FBLN1: variants seen among roughly 807,000 people sequenced by gnomAD.
FBLN1 encodes fibulin-1.
A neutral mutation model predicts 89.7 loss-of-function variants in FBLN1; 34 were observed. The observed-to-expected ratio is 0.38, with a 90% CI of 0.29 to 0.50. The LOEUF (loss-of-function observed/expected upper bound fraction) is 0.50, where lower values mean the gene tolerates loss of function less well. Ranked by LOEUF, FBLN1 falls within the 20% of genes least tolerant of loss-of-function variation. The pLI is 0.92. For missense variants in FBLN1, 777 were observed against 988.1 expected (o/e 0.79, Z 2.86); for synonymous variants, 393 against 391.3 (o/e 1.00, Z -0.05).
Position 45,577,181 on chromosome 22 carries a change from C to G in FBLN1, c.1972+73C>G, listed in dbSNP as rs571097274. ...ACCCCGAAACCCTCTCTGGCCCAGCCCAACTCCCATCTGAGTCCCCTCCCC... is the reference window on the plus strand; with the variant it reads ...ACCCCGAAACCCTCTCTGGCCCAGCGCAACTCCCATCTGAGTCCCCTCCCC... On this transcript the variant is annotated intron_variant, in intron 16 of 16. Transcript: ENST00000327858. This position sits in a 1 kb window ranked among gnomAD's most constrained non-coding sequence, Gnocchi z 6.6. The G allele has an allele frequency of 1.3e-6, 2 of 1,556,504 alleles. No individual in the cohort carries two copies. Among genetic ancestry groups the G allele is most frequent in the South Asian group, 2.2e-5 (2 of 89,202 alleles).
In FBLN1 at chr22:45,532,267, G is replaced by A. The variant is rs136739; in HGVS notation, c.545-796G>A. Among the ~76,000 whole-genome samples, 125,337 of 151,984 alleles carry A rather than the reference G, an allele frequency of 0.82. 52,670 individuals are homozygous for A. Among genetic ancestry groups the A allele is most frequent in the East Asian group, 0.96 (4,932 of 5,144 alleles). On this transcript the variant is annotated intron_variant, in intron 5 of 16. Transcript: ENST00000327858. The surrounding 1 kb of genome is among the most constrained non-coding windows in gnomAD (Gnocchi z 4.2). ...AGGGCTATGGGAGGAGCTTTCTGGG[G>A]AGGGGAGAGCTGGTCTGCAAGGAGG...
chr22:45,517,586 A>C, intron 1 of FBLN1: 1 of 471,086 alleles, frequency 2.1e-6, no homozygotes, highest in South Asian at 1.5e-5. Flanking sequence ...TGCGAGTGGG[A>C]GATAAGATGG....
chr22:45,510,145 C>T (rs2088079671), intron 1 of FBLN1, among the ~76,000 whole-genome samples: 1 of 152,114 alleles, frequency 6.6e-6, no homozygotes, highest in African/African-American at 2.4e-5. Context: ...AAAACAGACA[C>T]CCATTCAACC....
chr22:45,556,812 G>A lies in FBLN1; in HGVS notation c.1697+6197G>A, dbSNP rs1485446004. 1.3e-5 allele frequency among the ~76,000 whole-genome samples: 2 copies of A among 152,036 alleles called. No individual in the cohort carries two copies. The highest frequency in any genetic ancestry group is 4.8e-5 in the African/African-American group (2 of 41,382). ...CCTGGTGGCGGCGTTCCTCCCTCTG[G>A]AACTAAGACCTCTAGGCCAGCAGAA... On this transcript the variant is annotated intron_variant, in intron 14 of 16. Coordinates refer to ENST00000327858, the MANE Select transcript of FBLN1 (RefSeq NM_006486.3). The surrounding 1 kb of genome is among the most constrained non-coding windows in gnomAD (Gnocchi z 4.6).
In FBLN1 at chr22:45,577,028, ACAT is replaced by A. The variant is rs762642274; in HGVS notation, c.1897_1899del (p.Ile633del). Reference sequence around the variant, plus strand: ...CCACCGCATCCTGCCAGCCAGGCTAACATCATCTTCGACATCACGGAAGGGAAC... The same window carrying A: ...CCACCGCATCCTGCCAGCCAGGCTAACATCTTCGACATCACGGAAGGGAAC... On this transcript the variant is annotated inframe_deletion, in exon 16 of 17. Coordinates refer to ENST00000327858, the MANE Select transcript of FBLN1 (RefSeq NM_006486.3). This position sits in a 1 kb window ranked among gnomAD's most constrained non-coding sequence, Gnocchi z 6.6. 1 of 1,614,206 alleles carries A rather than the reference ACAT, an allele frequency of 6.2e-7. No individual in the cohort carries two copies. The highest frequency in any genetic ancestry group is 8.5e-7 in the Non-Finnish European group (1 of 1,180,036).
At position 45,549,852 on chromosome 22, in the gene FBLN1, C is replaced by G. The variant is rs564577225; in HGVS notation, c.1574-640C>G. 2.2e-4 allele frequency among the ~76,000 whole-genome samples: 34 copies of G among 152,202 alleles called. No homozygotes were observed. Among genetic ancestry groups the G allele is most frequent in the Non-Finnish European group, 4.3e-4 (29 of 68,032 alleles). On this transcript the variant is annotated intron_variant, in intron 13 of 16. Coordinates refer to ENST00000327858, the MANE Select transcript of FBLN1 (RefSeq NM_006486.3). The surrounding 1 kb of genome is among the most constrained non-coding windows in gnomAD (Gnocchi z 5.7). The stretch of plus-strand genomic sequence containing the variant: ...CAGGCCCCATCCCAGGAGTCCCAGA[C>G]CTGGTGGTTCCAGTCCACCCTGAAC...
Position 45,569,860 on chromosome 22 carries a change from A to C in FBLN1, c.1698-4651A>C, listed in dbSNP as rs759618367. On this transcript the variant is annotated intron_variant, in intron 14 of 16. Transcript: ENST00000327858. Reference sequence around the variant, plus strand: ...TCCATTTCTCTTGGTTAGGCCACCCAGTCTGTTGTATAGCAAACAAATGCA... The same window carrying C: ...TCCATTTCTCTTGGTTAGGCCACCCCGTCTGTTGTATAGCAAACAAATGCA... Among the ~76,000 whole-genome samples, 5 of 152,326 alleles carry C rather than the reference A, an allele frequency of 3.3e-5. No individual in the cohort carries two copies. In the South Asian group the frequency reaches 1.0e-3, roughly 32 times the overall value.
At chr22:45,555,525 T>G (rs1178101933) in intron 14 of FBLN1, among the ~76,000 whole-genome samples, 5 of 152,146 alleles carry the variant, frequency 3.3e-5, no homozygotes, top group Admixed American at 1.3e-4. Context: ...TTTTTCTGCC[T>G]GCTTATGCTG....
At position 45,575,525 on chromosome 22, in the gene FBLN1, G is replaced by T. The variant is rs1195276889; in HGVS notation, c.1840+872G>T. On this transcript the variant is annotated intron_variant, in intron 15 of 16. Coordinates refer to ENST00000327858, the MANE Select transcript of FBLN1 (RefSeq NM_006486.3). The surrounding 1 kb of genome is among the most constrained non-coding windows in gnomAD (Gnocchi z 6.3). ...CCAGGCTTTGGGGGAACCATCGGAA[G>T]GTTGCAGTGGAGGAGGTTTGCATAT... 1.3e-5 allele frequency among the ~76,000 whole-genome samples: 2 copies of T among 152,184 alleles called. No homozygotes were observed. Among genetic ancestry groups the T allele is most frequent in the Non-Finnish European group, 2.9e-5 (2 of 68,024 alleles).
chr22:45,551,185 G>A (rs376512236), intron 14 of FBLN1: 15 of 176,970 alleles, frequency 8.5e-5, no homozygotes, highest in East Asian at 7.2e-4. Context: ...AGGCCATCAC[G>A]GCGCCCACTT....
intron 1 of FBLN1, among the ~76,000 whole-genome samples, chr22:45,507,847 C>T (rs1219785329): frequency 6.6e-6 from 1 of 152,100 alleles, no homozygotes; most frequent in Non-Finnish European, 1.5e-5. Flanking sequence ...ATTTTGGATC[C>T]TGTTACCCAC....
intron 1 of FBLN1, among the ~76,000 whole-genome samples, chr22:45,506,750 T>A (rs2088026575): frequency 1.3e-5 from 2 of 152,116 alleles, no homozygotes; most frequent in Non-Finnish European, 2.9e-5. Flanking sequence ...TCCTCACCAC[T>A]GGGGGAGACT....
rs536508399 is a variant in FBLN1 at position 45,508,680 on chromosome 22, G to A, written c.79+5616G>A. ...CTTTACAGTCAGAGCTGGATCTGAA[G>A]CCTGCCTCTGCAGAGGCTGCATGGC... On this transcript the variant is annotated intron_variant, in intron 1 of 16. Coordinates refer to ENST00000327858, the MANE Select transcript of FBLN1 (RefSeq NM_006486.3). Among the ~76,000 whole-genome samples the A allele has an allele frequency of 1.8e-4, 27 of 152,300 alleles. No individual in the cohort carries two copies. In the South Asian group the frequency reaches 5.6e-3, roughly 32 times the overall value.
Position 45,600,402 on chromosome 22 carries a change from A to G in FBLN1, c.2068A>G (p.Asn690Asp). The G allele has an allele frequency of 6.2e-7, 1 of 1,614,104 alleles. No homozygotes were observed. Among genetic ancestry groups the G allele is most frequent in the South Asian group, 1.1e-5 (1 of 91,074 alleles). Residue 690 changes from asparagine (N) to aspartate (D), a missense_variant, in exon 17 of 17, where the codon AAT becomes GAT. By Grantham distance (23) the Asn-to-Asp change is conservative. Transcript: ENST00000327858. ...GGTCGGGGGCGTGGTCTCCCACCGA[A>G]ATGTTGTCAACGTCCACATCTTCGT... The part of the protein sequence containing the change: ...YVVGGVVSHR[N>D]VVNVHIFVSE...
intron 14 of FBLN1, among the ~76,000 whole-genome samples, chr22:45,566,465 G>A (rs954403691): frequency 7.2e-5 from 11 of 152,136 alleles, no homozygotes; most frequent in East Asian, 1.9e-4. Context: ...CCATGTTCTC[G>A]GCTCATGCTG....
chr22:45,592,475 C>A (rs1207568620), intron 16 of FBLN1, among the ~76,000 whole-genome samples: 1 of 152,242 alleles, frequency 6.6e-6, no homozygotes, highest in East Asian at 1.9e-4. Flanking sequence ...TTATAGGCGC[C>A]TGCCACCATG....
At chr22:45,510,288 C>G (rs945157565) in intron 1 of FBLN1, among the ~76,000 whole-genome samples, 1 of 152,114 alleles carries the variant, frequency 6.6e-6, no homozygotes, top group Admixed American at 6.5e-5. Context: ...GTCCCTGGAT[C>G]CTGCTTTGCT....
chr22:45,567,837 C>G (rs1334622792), intron 14 of FBLN1, among the ~76,000 whole-genome samples: 3 of 152,114 alleles, frequency 2.0e-5, no homozygotes, highest in African/African-American at 7.2e-5. Context: ...GGCAGAACCC[C>G]AAAATAATCA....
intron 1 of FBLN1, among the ~76,000 whole-genome samples, chr22:45,506,382 G>T (rs1415911547): frequency 1.3e-5 from 2 of 152,228 alleles, no homozygotes; most frequent in Admixed American, 1.3e-4. Flanking sequence ...TAGCCATTCA[G>T]TCATTCATTC....
Sources: gnomAD v4.1 joint callset for allele counts (sites outside exome capture counted in the v4.1 genomes callset) on GRCh38, gnomAD v4.1.1 for gene constraint, Gnocchi (gnomAD v3.1) non-coding constraint, MANE v1.5 for transcripts, NCBI Gene and HGNC (gene_info 2026-07-23, HGNC 2026-07-21) for gene names.